Variants in CADPS2 observed in about 807,000 individuals in gnomAD.
The protein encoded by CADPS2 is calcium dependent secretion activator 2, also known as calcium-dependent secretion activator 2.
Under a neutral mutation model 172.5 loss-of-function variants are expected in CADPS2, and 93 were observed. The ratio of observed to expected loss-of-function variants is 0.54; its 90% confidence interval spans 0.46 to 0.64. The LOEUF (loss-of-function observed/expected upper bound fraction) is 0.64. CADPS2 is among the 30% of genes least tolerant of loss of function. The pLI is 0.00. For missense variants in CADPS2, 1,420 were observed against 1,565.9 expected (o/e 0.91, Z 1.57); for synonymous variants, 546 against 555.2 (o/e 0.98, Z 0.23).
Position 122,544,601 on chromosome 7 carries a change from A to T in CADPS2, c.1475+9949T>A, listed in dbSNP as rs146801713. Among the ~76,000 whole-genome samples, 583 of 152,310 alleles carry T rather than the reference A, an allele frequency of 3.8e-3. 6 individuals are homozygous for T. Among genetic ancestry groups the T allele is most frequent in the African/African-American group, 0.013 (552 of 41,572 alleles). On this transcript the variant is annotated intron_variant, in intron 8 of 29. Transcript: ENST00000449022. Reference sequence around the variant, plus strand: ...CATTCATATGCCTGAAACCCAGGTCAGCACAACTAGGCTGATTTAGTTCTG... The same window carrying T: ...CATTCATATGCCTGAAACCCAGGTCTGCACAACTAGGCTGATTTAGTTCTG...
At chr7:122,450,328 A>G (rs976705452) in intron 15 of CADPS2, among the ~76,000 whole-genome samples, 4 of 152,166 alleles carry the variant, frequency 2.6e-5, no homozygotes, top group African/African-American at 9.6e-5. Flanking sequence ...CAGACAGGTT[A>G]TAAGACACAA....
intron 7 of CADPS2, among the ~76,000 whole-genome samples, chr7:122,577,914 T>G (rs2068254616): frequency 6.6e-6 from 1 of 152,014 alleles, no homozygotes; most frequent in African/African-American, 2.4e-5. Flanking sequence ...ATTTTCAAAT[T>G]TAAATGCTAC....
At chr7:122,732,011 T>A (rs1473634839) in intron 2 of CADPS2, among the ~76,000 whole-genome samples, 4 of 151,788 alleles carry the variant, frequency 2.6e-5, no homozygotes, top group Non-Finnish European at 5.9e-5. Flanking sequence ...TATTGTTACA[T>A]AAAAATCATT....
At chr7:122,481,610 T>C (rs1247203406) in intron 11 of CADPS2, among the ~76,000 whole-genome samples, 4 of 151,520 alleles carry the variant, frequency 2.6e-5, no homozygotes, top group African/African-American at 4.8e-5. Flanking sequence ...TGTGGTAGCA[T>C]ACACCTGTAA....
intron 1 of CADPS2, among the ~76,000 whole-genome samples, chr7:122,867,545 G>A (rs1427711182): frequency 6.6e-6 from 1 of 152,148 alleles, no homozygotes; most frequent in East Asian, 1.9e-4. Context: ...CTGCTGAAGG[G>A]CTTTGCTCTT....
rs912382430 is a variant in CADPS2 at position 122,386,077 on chromosome 7, G to T, written c.3312+949C>A. Among the ~76,000 whole-genome samples the T allele has an allele frequency of 2.6e-5, 4 of 151,972 alleles. No homozygotes were observed. The South Asian group carries it at 8.3e-4, about 32-fold the overall frequency. ...CTAACAGGGGAGAAACATTTCCCTCGTCATTATTTAAGGTATAAGTATTTA... is the reference window on the plus strand; with the variant it reads ...CTAACAGGGGAGAAACATTTCCCTCTTCATTATTTAAGGTATAAGTATTTA... On this transcript the variant is annotated intron_variant, in intron 24 of 29. Coordinates refer to ENST00000449022, the MANE Select transcript of CADPS2 (RefSeq NM_017954.11).
At chr7:122,752,127 A>G (rs2138420954) in intron 1 of CADPS2, among the ~76,000 whole-genome samples, 1 of 152,348 alleles carries the variant, frequency 6.6e-6, no homozygotes, top group South Asian at 2.1e-4. Context: ...GTGAATAAAT[A>G]GAATAGAAAA....
intron 1 of CADPS2, among the ~76,000 whole-genome samples, chr7:122,839,450 A>T (rs1010592651): frequency 6.6e-6 from 1 of 152,100 alleles, no homozygotes; most frequent in Non-Finnish European, 1.5e-5. Context: ...AAACTAAAGA[A>T]CTTCTGCACA....
At chr7:122,589,543 T>C (rs1017401401) in intron 6 of CADPS2, among the ~76,000 whole-genome samples, 4 of 151,932 alleles carry the variant, frequency 2.6e-5, no homozygotes, top group African/African-American at 9.7e-5. Flanking sequence ...AAGGCTTATA[T>C]AACACTAATG....
chr7:122,366,610 TACACACACACACACACACAC>T (rs200926726), intron 25 of CADPS2, among the ~76,000 whole-genome samples: 6 of 126,214 alleles, frequency 4.8e-5, no homozygotes, highest in Admixed American at 1.6e-4. Flanking sequence ...ATCTCAAAAA[TACACACACACACACACACAC>T]ACACACACAC....
chr7:122,487,486 T>C (rs2057937705), intron 11 of CADPS2, among the ~76,000 whole-genome samples: 1 of 152,094 alleles, frequency 6.6e-6, no homozygotes. Context: ...AGGCAAGGTA[T>C]GTGCAGAGAT....
At chr7:122,349,143 T>C (rs1204592108) in intron 27 of CADPS2, among the ~76,000 whole-genome samples, 2 of 152,226 alleles carry the variant, frequency 1.3e-5, no homozygotes, top group East Asian at 1.9e-4. Flanking sequence ...AGACAAACTA[T>C]AACTACACAT....
At chr7:122,536,258 C>G (rs2062258805) in intron 8 of CADPS2, among the ~76,000 whole-genome samples, 1 of 151,880 alleles carries the variant, frequency 6.6e-6, no homozygotes, top group African/African-American at 2.4e-5. Context: ...TTATTAGGGA[C>G]CTGTTAATTG....
At chr7:122,527,278 C>G (rs2131198839) in intron 8 of CADPS2, among the ~76,000 whole-genome samples, 1 of 152,036 alleles carries the variant, frequency 6.6e-6, no homozygotes, top group African/African-American at 2.4e-5. Context: ...AAAGGGACTT[C>G]CAGGGCTCTT....
intron 1 of CADPS2, among the ~76,000 whole-genome samples, chr7:122,795,579 T>C (rs952857542): frequency 6.6e-6 from 1 of 152,218 alleles, no homozygotes; most frequent in Middle Eastern, 3.4e-3. Context: ...TCAATAAATA[T>C]GATTTATCAC....
intron 1 of CADPS2, among the ~76,000 whole-genome samples, chr7:122,778,475 A>G (rs1451828584): frequency 1.3e-5 from 2 of 152,206 alleles, no homozygotes; most frequent in African/African-American, 4.8e-5. Context: ...CACCAAGACA[A>G]TGGGGTAAAT....
rs2032025500 is a variant in CADPS2 at position 122,319,893 on chromosome 7, C to T, written c.*272G>A. Reference sequence around the variant, plus strand: ...AAAAAGTTCATGTTCTGATCACAAGCAGAGCCAAGGTTCATTTTTAGGTCA... The same window carrying T: ...AAAAAGTTCATGTTCTGATCACAAGTAGAGCCAAGGTTCATTTTTAGGTCA... On this transcript the variant is annotated 3_prime_UTR_variant, in exon 30 of 30. Transcript: ENST00000449022. 3.1e-6 allele frequency: 1 copy of T among 325,324 alleles called. No homozygotes were observed. The highest frequency in any genetic ancestry group is 5.1e-5 in the East Asian group (1 of 19,608). 20.2% of individuals were successfully genotyped at this position (325,324 alleles called of 1,614,324 possible). A position where few individuals can be genotyped will look rare whatever the true frequency, so the allele number is the denominator to read the frequency against.
At chr7:122,758,105 C>A (rs1325856984) in intron 1 of CADPS2, among the ~76,000 whole-genome samples, 1 of 152,130 alleles carries the variant, frequency 6.6e-6, no homozygotes, top group African/African-American at 2.4e-5. Context: ...ACTTTAATAA[C>A]CTCCTTATAA....
chr7:122,522,354 A>T (rs2060873299), intron 8 of CADPS2, among the ~76,000 whole-genome samples: 1 of 152,046 alleles, frequency 6.6e-6, no homozygotes. Context: ...AGCTCAAGTG[A>T]TCTGCCCACC....
Sources: allele counts gnomAD v4.1 joint callset (sites outside exome capture counted in the v4.1 genomes callset), GRCh38; gene constraint gnomAD v4.1.1; transcripts MANE v1.5; gene names NCBI Gene and HGNC (gene_info 2026-07-23, HGNC 2026-07-21).